CLSTN2: variants seen among roughly 807,000 people sequenced by gnomAD.
CLSTN2 encodes calsyntenin-2.
A neutral mutation model predicts 101.2 loss-of-function variants in CLSTN2; 48 were observed. That is an observed-to-expected ratio of 0.47 (90% CI 0.38 to 0.60). CLSTN2 has a LOEUF of 0.60. Among genes scored for constraint, CLSTN2 ranks in the 20% least tolerant of loss-of-function variants. The pLI is 0.00. For missense variants in CLSTN2, 1,160 were observed against 1,238.2 expected, an observed-to-expected ratio of 0.94 and a Z score of 0.95; for synonymous variants, 481 against 463.6, an observed-to-expected ratio of 1.04 and a Z score of -0.48.
At chr3:140,365,516 T>G (rs1463164634) in intron 2 of CLSTN2, among the ~76,000 whole-genome samples, 1 of 151,824 alleles carries the variant, frequency 6.6e-6, no homozygotes, top group Non-Finnish European at 1.5e-5. Flanking sequence ...TACCATTGAA[T>G]AGTCCTTCCA....
chr3:139,959,710 C>T (rs1935470295), intron 1 of CLSTN2, among the ~76,000 whole-genome samples: 1 of 152,146 alleles, frequency 6.6e-6, no homozygotes, highest in Non-Finnish European at 1.5e-5. Flanking sequence ...CTGTAGCGTT[C>T]TAAGCTCATT....
At position 140,567,545 on chromosome 3, in the gene CLSTN2, T is replaced by C. The variant is rs76333798; in HGVS notation, c.*1292T>C. 1 of 152,348 alleles carries C rather than the reference T, an allele frequency of 6.6e-6. No individual in the cohort carries two copies. The highest frequency in any genetic ancestry group is 1.9e-4 in the East Asian group (1 of 5,186). The allele number at this position is 152,348 out of a possible 1,614,324, so 9.4% of individuals were successfully genotyped here. On this transcript the variant is annotated 3_prime_UTR_variant, in exon 17 of 17. Transcript: ENST00000458420. ...CATCTCCATCCTAACATGCACAACC[T>C]GTGAAGAGAATTGTTTCTATAGTAA...
At chr3:140,226,967 A>G (rs1028309006) in intron 2 of CLSTN2, among the ~76,000 whole-genome samples, 2 of 152,172 alleles carry the variant, frequency 1.3e-5, no homozygotes, top group Non-Finnish European at 2.9e-5. Context: ...CTCTCATGAT[A>G]CTTGGGAATT....
chr3:140,265,006 G>A (rs72990150), intron 2 of CLSTN2, among the ~76,000 whole-genome samples: 4,163 of 152,162 alleles, frequency 0.027, 174 homozygotes, highest in African/African-American at 0.094. Context: ...ATAAAGTATT[G>A]AGTGTGTGCT....
At chr3:140,364,687 A>T (rs1472103879) in intron 2 of CLSTN2, among the ~76,000 whole-genome samples, 1 of 152,244 alleles carries the variant, frequency 6.6e-6, no homozygotes, top group Non-Finnish European at 1.5e-5. Context: ...GGGGAGGGCC[A>T]GTATAGAAGC....
chr3:139,949,452 G>A (rs1266466829), intron 1 of CLSTN2, among the ~76,000 whole-genome samples: 1 of 152,128 alleles, frequency 6.6e-6, no homozygotes, highest in Non-Finnish European at 1.5e-5. Context: ...ATTAGGAGAG[G>A]TCAACATCCC....
intron 1 of CLSTN2, among the ~76,000 whole-genome samples, chr3:140,135,087 AACACACACACACAC>A (rs780837347): frequency 5.8e-5 from 3 of 51,394 alleles, no homozygotes; most frequent in Non-Finnish European, 7.9e-5. Flanking sequence ...CTCTCAAAAA[AACACACACACACAC>A]ACACACACAC....
At chr3:140,292,186 G>A (rs975529726) in intron 2 of CLSTN2, among the ~76,000 whole-genome samples, 14 of 152,026 alleles carry the variant, frequency 9.2e-5, no homozygotes, top group African/African-American at 3.4e-4. Context: ...CCTTGCTCAG[G>A]ACACCCAAAC....
intron 1 of CLSTN2, among the ~76,000 whole-genome samples, chr3:140,124,172 C>A (rs1289132262): frequency 2.6e-5 from 4 of 152,102 alleles, no homozygotes; most frequent in East Asian, 3.8e-4. Flanking sequence ...AAAGCACATG[C>A]AAAGACTCTG....
intron 2 of CLSTN2, among the ~76,000 whole-genome samples, chr3:140,186,937 A>G (rs752825430): frequency 2.6e-4 from 40 of 152,072 alleles, no homozygotes; most frequent in Non-Finnish European, 4.3e-4. Flanking sequence ...AAACAAAACA[A>G]ATTTGGGAAG....
At chr3:140,062,464 C>G (rs1035554138) in intron 1 of CLSTN2, among the ~76,000 whole-genome samples, 1 of 152,168 alleles carries the variant, frequency 6.6e-6, no homozygotes, top group Non-Finnish European at 1.5e-5. Context: ...AGCCTCCTCA[C>G]CCTTTTGTGT....
intron 1 of CLSTN2, among the ~76,000 whole-genome samples, chr3:140,000,423 C>T (rs577420332): frequency 6.6e-6 from 1 of 152,260 alleles, no homozygotes; most frequent in South Asian, 2.1e-4. Context: ...TAAAGATTAG[C>T]TACAGTTGAA....
At chr3:140,517,022 A>T (rs951019232) in intron 8 of CLSTN2, among the ~76,000 whole-genome samples, 3 of 152,036 alleles carry the variant, frequency 2.0e-5, no homozygotes, top group Non-Finnish European at 4.4e-5. Context: ...CTCATTTTTT[A>T]AAAAATTCTT....
intron 2 of CLSTN2, among the ~76,000 whole-genome samples, chr3:140,341,653 C>G (rs2087494104): frequency 6.6e-6 from 1 of 152,210 alleles, no homozygotes; most frequent in South Asian, 2.1e-4. Context: ...GCACCCAGCT[C>G]AGGACCAGGC....
intron 2 of CLSTN2, among the ~76,000 whole-genome samples, chr3:140,389,595 C>T (rs1488253992): frequency 1.3e-5 from 2 of 152,180 alleles, no homozygotes; most frequent in Non-Finnish European, 2.9e-5. Context: ...AGTGAACATA[C>T]ACATGCCTGT....
At chr3:140,036,110 T>C (rs561461263) in intron 1 of CLSTN2, among the ~76,000 whole-genome samples, 385 of 152,328 alleles carry the variant, frequency 2.5e-3, no homozygotes, top group Non-Finnish European at 4.4e-3. Flanking sequence ...ATCTGTGAGC[T>C]CTGCAGGGGC....
At chr3:140,420,337 T>G (rs578095366) in intron 4 of CLSTN2, among the ~76,000 whole-genome samples, 19 of 152,148 alleles carry the variant, frequency 1.2e-4, no homozygotes, top group African/African-American at 3.9e-4. Context: ...CAGCAAAATA[T>G]TTTAATCTAT....
intron 1 of CLSTN2, among the ~76,000 whole-genome samples, chr3:140,038,456 G>A (rs2007700866): frequency 6.6e-6 from 1 of 151,878 alleles, no homozygotes; most frequent in Admixed American, 6.6e-5. Flanking sequence ...CTTGTCAGAT[G>A]GACAGATTGT....
At chr3:140,523,067 A>C (rs1314708280) in intron 8 of CLSTN2, among the ~76,000 whole-genome samples, 1 of 151,896 alleles carries the variant, frequency 6.6e-6, no homozygotes, top group Non-Finnish European at 1.5e-5. Context: ...ATGCATTTTT[A>C]GGTTTGTTTC....
Sources: gnomAD v4.1 joint callset for allele counts (sites outside exome capture counted in the v4.1 genomes callset) on GRCh38, gnomAD v4.1.1 for gene constraint, MANE v1.5 for transcripts, NCBI Gene and HGNC (gene_info 2026-07-23, HGNC 2026-07-21) for gene names.